The following CD2AP variants were observed in gnomAD, a reference collection of about 807,000 sequenced individuals.
CD2AP encodes CD2-associated protein.
CD2AP carries 46 observed loss-of-function variants against 85.1 expected under a neutral mutation model. The observed-to-expected ratio is 0.54, with a 90% confidence interval of 0.43 to 0.69. The LOEUF is 0.69. Among genes scored for constraint, CD2AP ranks in the 30% least tolerant of loss-of-function variants. The pLI is 0.00. For synonymous variants in CD2AP, 255 were observed against 252.9 expected (o/e 1.01, Z -0.08); for missense variants, 769 against 729.5 (o/e 1.05, Z -0.62).
chr6:47,622,645 G>C (rs1055201293), intron 17 of CD2AP, among the ~76,000 whole-genome samples: 1 of 152,138 alleles, frequency 6.6e-6, no homozygotes, highest in Non-Finnish European at 1.5e-5. Flanking sequence ...GGAGAGGAGG[G>C]TCTCCCTTTC....
chr6:47,493,793 T>C (rs1054956183), intron 1 of CD2AP, among the ~76,000 whole-genome samples: 8 of 152,162 alleles, frequency 5.3e-5, no homozygotes, highest in African/African-American at 1.9e-4. Context: ...GGAAAATTTC[T>C]TTTGACCTCT....
intron 3 of CD2AP, among the ~76,000 whole-genome samples, chr6:47,541,269 A>G (rs892921238): frequency 2.0e-5 from 3 of 152,122 alleles, no homozygotes; most frequent in Non-Finnish European, 2.9e-5. Context: ...GACTACAGGC[A>G]CCCACCACCA....
intron 8 of CD2AP, among the ~76,000 whole-genome samples, chr6:47,578,041 TTTTG>T (rs141878844): frequency 0.33 from 50,482 of 151,862 alleles, 9,211 homozygotes; most frequent in Middle Eastern, 0.52. Flanking sequence ...TAGTTACCTT[TTTTG>T]TTTTAGTGGC....
chr6:47,595,790 C>G (rs1768923646), intron 11 of CD2AP, 71 bp from the exon 12 acceptor site: 3 of 1,366,720 alleles, frequency 2.2e-6, no homozygotes, highest in Non-Finnish European at 1.0e-6. Flanking sequence ...CAGCCTGATA[C>G]AAACTTTTGG....
At position 47,478,254 on chromosome 6, in the gene CD2AP, A is replaced by G; in HGVS notation, c.4+6A>G. ...CGCGGGAGCCCCCAGCATGGGTAAGAGACTCGGGCGCTTCCCGCCGCCCGT... is the reference window on the plus strand; with the variant it reads ...CGCGGGAGCCCCCAGCATGGGTAAGGGACTCGGGCGCTTCCCGCCGCCCGT... On this transcript the variant is annotated splice_donor_region_variant and intron_variant, in intron 1 of 17. Coordinates refer to ENST00000359314, the MANE Select transcript of CD2AP (RefSeq NM_012120.3). 1 of 1,571,454 alleles carries G rather than the reference A, an allele frequency of 6.4e-7. No individual in the cohort carries two copies. Among genetic ancestry groups the G allele is most frequent in the Non-Finnish European group, 8.6e-7 (1 of 1,158,888 alleles).
At chr6:47,547,278 A>G (rs1023985420) in intron 4 of CD2AP, among the ~76,000 whole-genome samples, 1 of 152,136 alleles carries the variant, frequency 6.6e-6, no homozygotes, top group Non-Finnish European at 1.5e-5. Context: ...GAATTCACCA[A>G]CCCTCTGCTG....
chr6:47,570,009 A>G (rs553923948), intron 5 of CD2AP, among the ~76,000 whole-genome samples: 6 of 152,296 alleles, frequency 3.9e-5, no homozygotes, highest in African/African-American at 1.4e-4. Flanking sequence ...GATTGATTTT[A>G]AGTCCAGTTA....
chr6:47,514,671 A>G (rs1766409026), intron 2 of CD2AP, among the ~76,000 whole-genome samples: 1 of 152,226 alleles, frequency 6.6e-6, no homozygotes, highest in Non-Finnish European at 1.5e-5. Context: ...ATAAATTGTA[A>G]TGCCTTACAT....
rs10522555 is a variant in CD2AP, at chr6:47,532,376, T to TAC, written c.166-1182_166-1181dup. 8.8e-3 allele frequency among the ~76,000 whole-genome samples: 1,254 copies of TAC among 141,970 alleles called. 17 individuals carry two copies. Among genetic ancestry groups the TAC allele is most frequent in the African/African-American group, 0.029 (1,106 of 37,836 alleles). 93.1% of individuals were successfully genotyped at this position (141,970 alleles called of 152,430 possible). ...AAAAAAAAGTATATATATATATGTA[T>TAC]ACACACACACACACACACACACACA... On this transcript the variant is annotated intron_variant, in intron 2 of 17. Coordinates refer to ENST00000359314, the MANE Select transcript of CD2AP (RefSeq NM_012120.3).
chr6:47,501,905 T>C (rs1236995556), intron 1 of CD2AP, among the ~76,000 whole-genome samples: 1 of 152,248 alleles, frequency 6.6e-6, no homozygotes, highest in African/African-American at 2.4e-5. Context: ...TGTTTTTACA[T>C]ACAATAGTAA....
chr6:47,616,662 C>T (rs1357007416), intron 17 of CD2AP, among the ~76,000 whole-genome samples: 6 of 152,104 alleles, frequency 3.9e-5, no homozygotes, highest in Non-Finnish European at 8.8e-5. Flanking sequence ...GTCTAGCTGC[C>T]TTCTTGATGT....
Position 47,595,900 on chromosome 6 carries a change from C to G in CD2AP, c.1148C>G (p.Ala383Gly). 6.2e-7 allele frequency: 1 copy of G among 1,612,732 alleles called. No individual in the cohort carries two copies. The highest frequency in any genetic ancestry group is 8.5e-7 in the Non-Finnish European group (1 of 1,179,036). ...STLEQKPSKP[A>G]APQVPPKKPT... ...CTGGAACAGAAACCTTCTAAACCAG[C>G]AGCTCCACAAGTCCCACCCAAGAAA... The change falls in exon 12 of 18, where the codon GCA becomes GGA. Residue 383 changes from alanine (A) to glycine (G), a missense_variant. By Grantham distance (60) the Ala-to-Gly change is moderately conservative. Coordinates refer to ENST00000359314, the MANE Select transcript of CD2AP (RefSeq NM_012120.3).
intron 2 of CD2AP, among the ~76,000 whole-genome samples, chr6:47,532,447 G>A: frequency 6.7e-6 from 1 of 149,288 alleles, no homozygotes; most frequent in Admixed American, 6.7e-5. Context: ...AGTTAAAATT[G>A]TTAATTTTAA....
At chr6:47,525,583 T>A (rs1302988007) in intron 2 of CD2AP, among the ~76,000 whole-genome samples, 1 of 152,192 alleles carries the variant, frequency 6.6e-6, no homozygotes, top group Non-Finnish European at 1.5e-5. Context: ...TATATGGACA[T>A]ATTACAACAT....
intron 2 of CD2AP, among the ~76,000 whole-genome samples, chr6:47,504,413 A>G (rs1423620709): frequency 1.3e-5 from 2 of 152,198 alleles, no homozygotes; most frequent in African/African-American, 4.8e-5. Flanking sequence ...CAAGTATGAA[A>G]ACATACAGTT....
chr6:47,623,816 G>A (rs1769825472), intron 17 of CD2AP, among the ~76,000 whole-genome samples: 1 of 152,018 alleles, frequency 6.6e-6, no homozygotes, highest in Non-Finnish European at 1.5e-5. Context: ...TCTTTTTACT[G>A]TTGTTTATGT....
intron 17 of CD2AP, among the ~76,000 whole-genome samples, chr6:47,614,426 G>A (rs751240534): frequency 6.6e-5 from 10 of 152,132 alleles, no homozygotes; most frequent in Non-Finnish European, 1.3e-4. Context: ...AATAAGGAAG[G>A]CCAAGTAGAG....
At chr6:47,491,971 ACT>A (rs1196828821) in intron 1 of CD2AP, among the ~76,000 whole-genome samples, 1 of 152,150 alleles carries the variant, frequency 6.6e-6, no homozygotes, top group Non-Finnish European at 1.5e-5. Context: ...AATGTACTTT[ACT>A]TTCTTTTACC....
chr6:47,573,386 G>A (rs2114095042), intron 5 of CD2AP, among the ~76,000 whole-genome samples: 1 of 151,602 alleles, frequency 6.6e-6, no homozygotes, highest in South Asian at 2.1e-4. Context: ...ACTTTGATTG[G>A]ATTGAATCAT....
Sources: gnomAD v4.1 joint callset for allele counts (sites outside exome capture counted in the v4.1 genomes callset) on GRCh38, gnomAD v4.1.1 for gene constraint, MANE v1.5 for transcripts, NCBI Gene and HGNC (gene_info 2026-07-23, HGNC 2026-07-21) for gene names.